DOCK4: variants seen among roughly 807,000 people sequenced by gnomAD.
DOCK4 encodes the protein dedicator of cytokinesis 4.
DOCK4 carries 97 observed loss-of-function variants against 268.1 expected under a neutral mutation model. The observed-to-expected ratio is 0.36, with a 90% CI of 0.31 to 0.43. The LOEUF is 0.43. DOCK4 is among the 20% of genes least tolerant of loss of function. The pLI, the probability that DOCK4 is intolerant of heterozygous loss-of-function variation, is 1.00. For synonymous variants in DOCK4, 954 were observed against 887.2 expected, an observed-to-expected ratio of 1.08 and a Z score of -1.34; for missense variants, 2,145 against 2,455.7, an observed-to-expected ratio of 0.87 and a Z score of 2.67.
chr7:111,800,861 C>T lies in DOCK4; in HGVS notation c.3166+7960G>A, dbSNP rs73715253. Among the ~76,000 whole-genome samples the T allele has an allele frequency of 3.2e-3, 488 of 152,170 alleles. 3 individuals are homozygous for T. Among genetic ancestry groups the T allele is most frequent in the African/African-American group, 0.011 (472 of 41,518 alleles). Reference sequence around the variant, plus strand: ...ATCGTCATCCAACACCCCCTAACAGCAGTTAGGTTTACGTCTCTTTAAAGG... The same window carrying T: ...ATCGTCATCCAACACCCCCTAACAGTAGTTAGGTTTACGTCTCTTTAAAGG... On this transcript the variant is annotated intron_variant, in intron 30 of 52. Coordinates refer to ENST00000428084, the MANE Select transcript of DOCK4 (RefSeq NM_001363540.2).
At chr7:111,925,116 A>C (rs1793492390) in intron 12 of DOCK4, among the ~76,000 whole-genome samples, 1 of 152,228 alleles carries the variant, frequency 6.6e-6, no homozygotes, top group African/African-American at 2.4e-5. Flanking sequence ...CAGAGCACAA[A>C]TTTTACATCT....
chr7:111,956,713 G>A (rs1331461706), intron 8 of DOCK4, among the ~76,000 whole-genome samples: 1 of 152,094 alleles, frequency 6.6e-6, no homozygotes, highest in East Asian at 1.9e-4. Flanking sequence ...TCAGTAATGT[G>A]ACCACCTTCT....
intron 1 of DOCK4, among the ~76,000 whole-genome samples, chr7:112,067,910 G>A (rs1369541487): frequency 6.6e-6 from 1 of 152,166 alleles, no homozygotes; most frequent in Non-Finnish European, 1.5e-5. Flanking sequence ...TTTGGTGAAA[G>A]ATATTGAATA....
chr7:111,874,553 C>T (rs932046048), intron 17 of DOCK4, among the ~76,000 whole-genome samples: 15 of 152,200 alleles, frequency 9.9e-5, no homozygotes, highest in African/African-American at 3.1e-4. Context: ...CAAAATACTT[C>T]AAGTTCAGGC....
chr7:111,939,826 C>A (rs545908348), intron 11 of DOCK4, among the ~76,000 whole-genome samples: 37 of 152,272 alleles, frequency 2.4e-4, no homozygotes, highest in Non-Finnish European at 4.9e-4. Context: ...AAGGTAAAGA[C>A]GTGCTAGGTT....
At chr7:112,036,979 C>T (rs551686829) in intron 1 of DOCK4, among the ~76,000 whole-genome samples, 84 of 152,078 alleles carry the variant, frequency 5.5e-4, no homozygotes, top group Non-Finnish European at 1.0e-3. Flanking sequence ...TTTAACTTTA[C>T]ATGATGTGAA....
At chr7:111,894,078 C>T (rs1358466286) in intron 16 of DOCK4, among the ~76,000 whole-genome samples, 2 of 151,952 alleles carry the variant, frequency 1.3e-5, no homozygotes, top group South Asian at 2.1e-4. Flanking sequence ...AAAAATTAGC[C>T]GGGCATGGTG....
At position 111,728,629 on chromosome 7, in the gene DOCK4, C is replaced by G. The variant is rs1794837806; in HGVS notation, c.5573G>C (p.Ser1858Thr). The G allele has an allele frequency of 6.2e-7, 1 of 1,613,936 alleles. No individual in the cohort carries two copies. The highest frequency in any genetic ancestry group is 1.3e-5 in the African/African-American group (1 of 74,946). ...NSPVLSGSYS[S>T]GISSLSRCST... ...GCACCGGCTGAGAGAAGAAATCCCA[C>G]TGCTGTAGCTGCCCGACAAGACAGG... Residue 1858 changes from serine (S) to threonine (T), a missense_variant, in exon 53 of 53, where the codon AGT becomes ACT. Ser to Thr is a moderately conservative substitution (Grantham distance 58, BLOSUM62 1). This residue lies in a region of DOCK4 where 547 missense variants were observed against 469.0 expected (regional missense o/e 1.17). Coordinates refer to ENST00000428084, the MANE Select transcript of DOCK4 (RefSeq NM_001363540.2).
chr7:111,974,368 T>C (rs183298650), intron 8 of DOCK4, among the ~76,000 whole-genome samples: 257 of 152,172 alleles, frequency 1.7e-3, no homozygotes, highest in African/African-American at 5.9e-3. Context: ...ATCACCTTTA[T>C]GGTGATTGTG....
intron 32 of DOCK4, among the ~76,000 whole-genome samples, chr7:111,785,042 TCCATCATCC>T (rs1799069121): frequency 6.6e-6 from 1 of 152,202 alleles, no homozygotes; most frequent in Non-Finnish European, 1.5e-5. Flanking sequence ...AAGTTTTCTC[TCCATCATCC>T]CCTACCTCTT....
rs1471820588 is a variant in DOCK4, at chr7:111,883,818, C to T, written c.1588-6632G>A. Among the ~76,000 whole-genome samples, 9 of 152,298 alleles carry T rather than the reference C, an allele frequency of 5.9e-5. No homozygotes were observed. The South Asian group carries it at 1.9e-3, about 32-fold the overall frequency. ...GCATCTGAGTCTGTCTGAGTTATGA[C>T]ATCTTGATAGCTTCTTACAGCTAAA... is the stretch of plus-strand genomic sequence containing the variant. On this transcript the variant is annotated intron_variant, in intron 16 of 52. Coordinates refer to ENST00000428084, the MANE Select transcript of DOCK4 (RefSeq NM_001363540.2).
chr7:111,814,440 C>G (rs1416305906), intron 27 of DOCK4, among the ~76,000 whole-genome samples: 1 of 152,036 alleles, frequency 6.6e-6, no homozygotes, highest in Non-Finnish European at 1.5e-5. Flanking sequence ...GTCAAAGCTC[C>G]CAAGTGATTC....
At chr7:112,138,443 T>C (rs561014854) in intron 1 of DOCK4, among the ~76,000 whole-genome samples, 1 of 152,210 alleles carries the variant, frequency 6.6e-6, no homozygotes, top group East Asian at 1.9e-4. Flanking sequence ...GGTTACAGTC[T>C]CTCAGATACA....
intron 1 of DOCK4, among the ~76,000 whole-genome samples, chr7:112,203,281 C>A (rs12537746): frequency 6.6e-6 from 1 of 152,008 alleles, no homozygotes; most frequent in Non-Finnish European, 1.5e-5. Context: ...TTCCTCAGAA[C>A]TATAACTTCA....
chr7:111,939,068 G>A (rs183188465), intron 11 of DOCK4, among the ~76,000 whole-genome samples: 30 of 151,900 alleles, frequency 2.0e-4, no homozygotes, highest in African/African-American at 6.8e-4. Context: ...AGAGTGACGC[G>A]TCTACAAGCC....
intron 3 of DOCK4, among the ~76,000 whole-genome samples, chr7:112,000,264 A>G (rs922375999): frequency 3.3e-5 from 5 of 152,160 alleles, no homozygotes; most frequent in Admixed American, 2.0e-4. Context: ...TAATGAGCTT[A>G]TTAAGGTCTT....
intron 4 of DOCK4, among the ~76,000 whole-genome samples, chr7:111,998,114 T>G (rs930425301): frequency 2.6e-5 from 4 of 152,200 alleles, no homozygotes; most frequent in Non-Finnish European, 4.4e-5. Context: ...TGAGATAATA[T>G]GACAGCATTT....
chr7:111,906,487 A>G lies in DOCK4; in HGVS notation c.1193-4686T>C, dbSNP rs189490522. 1.2e-3 allele frequency among the ~76,000 whole-genome samples: 180 copies of G among 152,272 alleles called. 4 individuals are homozygous for G. The South Asian group carries it at 0.024, about 20-fold the overall frequency. Reference sequence around the variant, plus strand: ...TTCAAGTATGAGCCAGAAAACCACCACTAGGAACCATGAAGAGGAATGCAT... The same window carrying G: ...TTCAAGTATGAGCCAGAAAACCACCGCTAGGAACCATGAAGAGGAATGCAT... On this transcript the variant is annotated intron_variant, in intron 13 of 52. Coordinates refer to ENST00000428084, the MANE Select transcript of DOCK4 (RefSeq NM_001363540.2).
At chr7:111,825,503 C>T (rs901865208) in intron 26 of DOCK4, among the ~76,000 whole-genome samples, 2 of 151,660 alleles carry the variant, frequency 1.3e-5, no homozygotes, top group Non-Finnish European at 2.9e-5. Flanking sequence ...TTTGCACATA[C>T]AACTAAGTAA....
Sources: gnomAD v4.1 joint callset for allele counts (sites outside exome capture counted in the v4.1 genomes callset) on GRCh38, gnomAD v4.1.1 for gene constraint, gnomAD v4.1.1 regional missense constraint, MANE v1.5 for transcripts, NCBI Gene and HGNC (gene_info 2026-07-23, HGNC 2026-07-21) for gene names.